Variants in PAK5 observed in about 807,000 individuals in gnomAD.
PAK5 encodes the protein serine/threonine-protein kinase PAK 5.
Under a neutral mutation model 65.9 loss-of-function variants are expected in PAK5, and 16 were observed. That is an observed-to-expected ratio of 0.24 (90% CI 0.16 to 0.37). PAK5 has a LOEUF of 0.37. Ranked by LOEUF, PAK5 falls within the 10% of genes least tolerant of loss-of-function variation. PAK5 has a pLI of 1.00. For synonymous variants in PAK5, 371 were observed against 354.9 expected (o/e 1.05, Z -0.51); for missense variants, 785 against 903.9 (o/e 0.87, Z 1.69).
intron 1 of PAK5, among the ~76,000 whole-genome samples, chr20:9,741,714 C>T (rs1336548612): frequency 6.6e-6 from 1 of 152,132 alleles, no homozygotes; most frequent in East Asian, 1.9e-4. Flanking sequence ...TAGGCTCTAT[C>T]ATGAGGACAG....
intron 2 of PAK5, among the ~76,000 whole-genome samples, chr20:9,694,857 T>G (rs1335068518): frequency 1.3e-5 from 2 of 152,078 alleles, no homozygotes; most frequent in Middle Eastern, 3.2e-3. Flanking sequence ...GCCTGAATGT[T>G]CAAGTACGTG....
At chr20:9,626,118 C>A (rs1414602587) in intron 3 of PAK5, among the ~76,000 whole-genome samples, 2 of 151,998 alleles carry the variant, frequency 1.3e-5, no homozygotes, top group East Asian at 1.9e-4. Context: ...CGTTTGAAGA[C>A]AATGAAATTA....
chr20:9,681,727 T>C (rs534328777), intron 2 of PAK5, among the ~76,000 whole-genome samples: 1 of 152,304 alleles, frequency 6.6e-6, no homozygotes, highest in South Asian at 2.1e-4. Flanking sequence ...AACATTATTA[T>C]TTAATATAGT....
chr20:9,745,916 T>C (rs1458193311), intron 1 of PAK5, among the ~76,000 whole-genome samples: 1 of 152,062 alleles, frequency 6.6e-6, no homozygotes, highest in Non-Finnish European at 1.5e-5. Context: ...GTGGAATATA[T>C]ATTGTTTTCT....
intron 1 of PAK5, among the ~76,000 whole-genome samples, chr20:9,726,195 C>T (rs1214507502): frequency 6.6e-6 from 1 of 152,032 alleles, no homozygotes; most frequent in Non-Finnish European, 1.5e-5. Flanking sequence ...AAATAAGTTT[C>T]CCATTCTAAA....
At chr20:9,731,166 G>A (rs2123554041) in intron 1 of PAK5, among the ~76,000 whole-genome samples, 2 of 152,222 alleles carry the variant, frequency 1.3e-5, no homozygotes, top group South Asian at 4.1e-4. Context: ...TAATAATATA[G>A]AAGGTCTGAA....
At chr20:9,708,473 AT>A (rs1468851438) in intron 2 of PAK5, among the ~76,000 whole-genome samples, 1 of 152,246 alleles carries the variant, frequency 6.6e-6, no homozygotes, top group African/African-American at 2.4e-5. Flanking sequence ...AAAGCATTTA[AT>A]ATAGGACTTG....
chr20:9,636,365 GA>G (rs1163091526), intron 3 of PAK5, among the ~76,000 whole-genome samples: 2 of 152,144 alleles, frequency 1.3e-5, no homozygotes, highest in Non-Finnish European at 2.9e-5. Flanking sequence ...TGGTCCTCAA[GA>G]ATGGGATGGC....
At chr20:9,715,934 A>C (rs998288151) in intron 1 of PAK5, among the ~76,000 whole-genome samples, 1 of 151,848 alleles carries the variant, frequency 6.6e-6, no homozygotes, top group African/African-American at 2.4e-5. Context: ...ATTAGGAGAT[A>C]TACCTAATGT....
At chr20:9,627,424 G>T (rs1033720746) in intron 3 of PAK5, among the ~76,000 whole-genome samples, 1 of 152,188 alleles carries the variant, frequency 6.6e-6, no homozygotes, top group African/African-American at 2.4e-5. Context: ...GGTGAGGGCT[G>T]CTAATGTCAG....
At chr20:9,664,836 C>T (rs1361958702) in intron 2 of PAK5, among the ~76,000 whole-genome samples, 1 of 152,056 alleles carries the variant, frequency 6.6e-6, no homozygotes, top group Non-Finnish European at 1.5e-5. Context: ...GAGATGCTGC[C>T]TTGACCCATA....
chr20:9,651,104 G>C (rs182572059), intron 2 of PAK5, among the ~76,000 whole-genome samples: 1 of 152,250 alleles, frequency 6.6e-6, no homozygotes, highest in Admixed American at 6.5e-5. Flanking sequence ...TGAAAGCAGG[G>C]ACCCGGACTT....
intron 1 of PAK5, among the ~76,000 whole-genome samples, chr20:9,744,258 CAGG>C (rs1054051455): frequency 6.6e-6 from 1 of 152,198 alleles, no homozygotes; most frequent in African/African-American, 2.4e-5. Context: ...ACAGTGGTCA[CAGG>C]AAATTAATAC....
intron 2 of PAK5, among the ~76,000 whole-genome samples, chr20:9,707,447 T>C (rs760103228): frequency 3.3e-5 from 5 of 152,226 alleles, no homozygotes; most frequent in Non-Finnish European, 7.3e-5. Context: ...GGCTAGGGAA[T>C]ACCTACTTAC....
chr20:9,676,872 C>T (rs1435532659), intron 2 of PAK5, among the ~76,000 whole-genome samples: 1 of 152,104 alleles, frequency 6.6e-6, no homozygotes, highest in Non-Finnish European at 1.5e-5. Context: ...ATGTTTTGTG[C>T]ATTAATGCAT....
intron 1 of PAK5, among the ~76,000 whole-genome samples, chr20:9,834,037 T>C (rs1296208513): frequency 6.6e-6 from 1 of 152,182 alleles, no homozygotes; most frequent in Non-Finnish European, 1.5e-5. Flanking sequence ...ATTACTGAAA[T>C]TTTGTACTAG....
chr20:9,823,806 G>A (rs2049452185), intron 1 of PAK5, among the ~76,000 whole-genome samples: 1 of 140,114 alleles, frequency 7.1e-6, no homozygotes, highest in Non-Finnish European at 1.6e-5. Flanking sequence ...CTTGCCTCAA[G>A]GTCTGTTTCT....
At chr20:9,686,706 C>T (rs370479967) in intron 2 of PAK5, among the ~76,000 whole-genome samples, 25 of 152,282 alleles carry the variant, frequency 1.6e-4, no homozygotes, top group African/African-American at 5.5e-4. Flanking sequence ...GCTTCCATAC[C>T]TCTGCAGGTA....
intron 1 of PAK5, among the ~76,000 whole-genome samples, chr20:9,833,258 G>A (rs1279013768): frequency 6.6e-6 from 1 of 152,060 alleles, no homozygotes; most frequent in Non-Finnish European, 1.5e-5. Context: ...CATATTTCTG[G>A]TTCTAAGAAT....
Sources: allele counts gnomAD v4.1 joint callset (sites outside exome capture counted in the v4.1 genomes callset), GRCh38; gene constraint gnomAD v4.1.1; transcripts MANE v1.5; gene names NCBI Gene and HGNC (gene_info 2026-07-23, HGNC 2026-07-21).